The following MTMR12 variants were observed in gnomAD, a reference collection of about 807,000 sequenced individuals.
The protein encoded by MTMR12 is myotubularin related protein 12, also known as myotubularin-related protein 12.
A neutral mutation model predicts 96.7 loss-of-function variants in MTMR12; 33 were observed. The observed-to-expected ratio is 0.34, with a 90% CI of 0.26 to 0.46. MTMR12 has a LOEUF of 0.46. Among genes scored for constraint, MTMR12 ranks in the 20% least tolerant of loss-of-function variants. The pLI is 1.00. For missense variants in MTMR12, 721 were observed against 896.1 expected (o/e 0.80, Z 2.49); for synonymous variants, 298 against 327.2 (o/e 0.91, Z 0.96).
intron 10 of MTMR12, 178 bp downstream of exon 10, chr5:32,247,824 G>C (rs1183998086): frequency 1.0e-6 from 1 of 980,984 alleles, no homozygotes; most frequent in East Asian, 1.1e-4. Context: ...AAAGCCTGGA[G>C]AGAGATGGAG....
At chr5:32,283,275 C>T (rs1010555692) in intron 1 of MTMR12, among the ~76,000 whole-genome samples, 1 of 152,164 alleles carries the variant, frequency 6.6e-6, no homozygotes, top group Non-Finnish European at 1.5e-5. Flanking sequence ...GTAGACATCA[C>T]AGATGTCCAA....
intron 1 of MTMR12, among the ~76,000 whole-genome samples, chr5:32,304,086 C>T (rs1751257160): frequency 6.6e-6 from 1 of 152,070 alleles, no homozygotes; most frequent in African/African-American, 2.4e-5. Context: ...ACTTTGGGAG[C>T]CGAGGCGGGC....
chr5:32,273,850 A>G (rs1749942420), intron 3 of MTMR12, 130 bp downstream of exon 3: 2 of 1,338,708 alleles, frequency 1.5e-6, no homozygotes, highest in Admixed American at 4.1e-5. Context: ...CAGTTCATAC[A>G]TTCAGGATTT....
chr5:32,284,875 A>C (rs1750466022), intron 1 of MTMR12, among the ~76,000 whole-genome samples: 1 of 152,184 alleles, frequency 6.6e-6, no homozygotes, highest in Non-Finnish European at 1.5e-5. Flanking sequence ...AAATTATGGA[A>C]ATTTTCAACA....
Position 32,241,722 on chromosome 5 carries a change from T to C in MTMR12, c.1171+335A>G, listed in dbSNP as rs906283105. On this transcript the variant is annotated intron_variant, in intron 12 of 15. Coordinates refer to ENST00000382142, the MANE Select transcript of MTMR12 (RefSeq NM_001040446.3). ...ACCAAGTCATCCATGGATCTCTTTATATAAGAGGGATTCTAAAAAGATTTT... is the reference window on the plus strand; with the variant it reads ...ACCAAGTCATCCATGGATCTCTTTACATAAGAGGGATTCTAAAAAGATTTT... Among the ~76,000 whole-genome samples, 9 of 152,342 alleles carry C rather than the reference T, an allele frequency of 5.9e-5. No homozygotes were observed. The East Asian group carries it at 1.7e-3, about 29-fold the overall frequency.
At chr5:32,258,668 ACGCACT>A (rs1749233813) in intron 7 of MTMR12, among the ~76,000 whole-genome samples, 1 of 152,126 alleles carries the variant, frequency 6.6e-6, no homozygotes, top group Non-Finnish European at 1.5e-5. Flanking sequence ...TTAAATGGAG[ACGCACT>A]GCTCTAGATG....
intron 1 of MTMR12, among the ~76,000 whole-genome samples, chr5:32,302,254 T>C (rs1751181498): frequency 1.3e-5 from 2 of 152,252 alleles, no homozygotes; most frequent in South Asian, 2.1e-4. Flanking sequence ...CAAAACAGCA[T>C]GGTTTTACAA....
rs1042280930 is a variant in MTMR12, at chr5:32,245,709, T to C, written c.1022-2110A>G. Among the ~76,000 whole-genome samples the C allele has an allele frequency of 4.6e-5, 7 of 152,070 alleles. 1 individual carries two copies. The highest frequency in any genetic ancestry group is 4.2e-4 in the South Asian group (2 of 4,818). ...CGGGTGTGGTGGTGCACACCTGTAA[T>C]TCCAGCTACTCAAGAGGCTGAGGCA... is the stretch of plus-strand genomic sequence containing the variant. On this transcript the variant is annotated intron_variant, in intron 10 of 15. Transcript: ENST00000382142.
chr5:32,285,501 T>C (rs1212269445), intron 1 of MTMR12, among the ~76,000 whole-genome samples: 1 of 152,160 alleles, frequency 6.6e-6, no homozygotes, highest in African/African-American at 2.4e-5. Context: ...ACTCCAATGT[T>C]ATGGCTACTT....
rs77372190 is a variant in MTMR12, at chr5:32,299,129, A to G, written c.81+13629T>C. Among the ~76,000 whole-genome samples the G allele has an allele frequency of 1.5e-3, 231 of 152,198 alleles. 7 individuals carry two copies. In the East Asian group the frequency reaches 0.041, roughly 27 times the overall value. On this transcript the variant is annotated intron_variant, in intron 1 of 15. Coordinates refer to ENST00000382142, the MANE Select transcript of MTMR12 (RefSeq NM_001040446.3). ...CCTGCAGCTTCTGGGGTGGTGAGGA[A>G]TAATAGCAACTAAATAACATTTAAT... is the stretch of plus-strand genomic sequence containing the variant.
intron 1 of MTMR12, among the ~76,000 whole-genome samples, chr5:32,282,666 C>CA (rs957954184): frequency 1.3e-5 from 2 of 151,914 alleles, no homozygotes; most frequent in Admixed American, 1.3e-4. Context: ...TAGAGGACTC[C>CA]AAAAAATCAG....
intron 7 of MTMR12, among the ~76,000 whole-genome samples, chr5:32,261,098 T>C (rs555084461): frequency 1.3e-5 from 2 of 151,540 alleles, no homozygotes; most frequent in African/African-American, 4.8e-5. Flanking sequence ...TGGGGCGTGG[T>C]GGCAGGCGCC....
intron 5 of MTMR12, 80 bp downstream of exon 5, chr5:32,270,737 C>G (rs528735612): frequency 6.8e-7 from 1 of 1,470,038 alleles, no homozygotes; most frequent in African/African-American, 1.4e-5. Flanking sequence ...CCTCAACCTT[C>G]ATGCAACGTA....
intron 2 of MTMR12, among the ~76,000 whole-genome samples, chr5:32,274,412 G>A (rs574081585): frequency 1.3e-5 from 2 of 152,152 alleles, no homozygotes; most frequent in African/African-American, 4.8e-5. Flanking sequence ...AGGTACTAAT[G>A]ATCTGAGCTG....
chr5:32,299,463 C>T (rs538386341), intron 1 of MTMR12, among the ~76,000 whole-genome samples: 45 of 152,216 alleles, frequency 3.0e-4, no homozygotes, highest in Non-Finnish European at 5.6e-4. Context: ...ATGATTTAAG[C>T]TAACGGATGT....
chr5:32,312,160 G>T lies in MTMR12; in HGVS notation c.81+598C>A, dbSNP rs1301194916. ...AAGTGGGTGGAAAGGATGATGGTGA[G>T]GGGATGAGGAGAAAGAAGCGACAGC... On this transcript the variant is annotated intron_variant, in intron 1 of 15. Coordinates refer to ENST00000382142, the MANE Select transcript of MTMR12 (RefSeq NM_001040446.3). The surrounding 1 kb of genome is among the most constrained non-coding windows in gnomAD (Gnocchi z 5.0). Among the ~76,000 whole-genome samples, 5 of 152,236 alleles carry T rather than the reference G, an allele frequency of 3.3e-5. No individual in the cohort carries two copies.
chr5:32,294,691 C>T (rs893284292), intron 1 of MTMR12, among the ~76,000 whole-genome samples: 1 of 152,158 alleles, frequency 6.6e-6, no homozygotes, highest in African/African-American at 2.4e-5. Context: ...GAGGCTGTAC[C>T]TTTATGGATT....
chr5:32,246,175 T>G (rs1056060951), intron 10 of MTMR12, among the ~76,000 whole-genome samples: 1 of 146,648 alleles, frequency 6.8e-6, no homozygotes, highest in East Asian at 2.2e-4. Context: ...AGACAGTTTT[T>G]TTTTTTTTTG....
At chr5:32,279,341 G>C (rs765854465) in intron 1 of MTMR12, among the ~76,000 whole-genome samples, 2 of 151,966 alleles carry the variant, frequency 1.3e-5, no homozygotes, top group Admixed American at 6.6e-5. Context: ...GATCACTTGA[G>C]GCCAGGAGGT....
Sources: gnomAD v4.1 joint callset for allele counts (sites outside exome capture counted in the v4.1 genomes callset) on GRCh38, gnomAD v4.1.1 for gene constraint, Gnocchi (gnomAD v3.1) non-coding constraint, MANE v1.5 for transcripts, NCBI Gene and HGNC (gene_info 2026-07-23, HGNC 2026-07-21) for gene names.